MALSU1: variants seen among roughly 807,000 people sequenced by gnomAD.
MALSU1 encodes the protein mitochondrial assembly of ribosomal large subunit protein 1.
A neutral mutation model predicts 22.1 loss-of-function variants in MALSU1; 22 were observed. That is an observed-to-expected ratio of 1.00 (90% CI 0.71 to 1.42). The LOEUF (loss-of-function observed/expected upper bound fraction) is 1.42, where lower values mean the gene tolerates loss of function less well. Among genes scored for constraint, MALSU1 ranks in the 40% most tolerant of loss-of-function variants. The pLI, the probability that MALSU1 is intolerant of heterozygous loss-of-function variation, is 0.00. For synonymous variants in MALSU1, 153 were observed against 118.5 expected (o/e 1.29, Z -1.89); for missense variants, 379 against 308.3 (o/e 1.23, Z -1.72).
rs1783784635 is a variant in MALSU1 at position 23,309,898 on chromosome 7, A to C, written c.*355A>C. The C allele has an allele frequency of 6.4e-6, 1 of 155,324 alleles. No homozygotes were observed. 9.6% of individuals were successfully genotyped at this position (155,324 alleles called of 1,614,324 possible). ...CCCTGTTTGTTTAATGGAATGGCAA[A>C]AATTTTAAAAAATAATATAAAACAT... On this transcript the variant is annotated 3_prime_UTR_variant, in exon 4 of 4. Transcript: ENST00000466681.
chr7:23,307,714 C>T (rs1039288627), intron 2 of MALSU1, 154 bp from the exon 3 acceptor site: 2 of 571,280 alleles, frequency 3.5e-6, no homozygotes, highest in African/African-American at 3.9e-5. Context: ...GAAATAGTTT[C>T]CCTAAGTTAT....
intron 2 of MALSU1, among the ~76,000 whole-genome samples, chr7:23,302,705 T>G (rs1783664427): frequency 6.6e-6 from 1 of 152,194 alleles, no homozygotes; most frequent in Non-Finnish European, 1.5e-5. Context: ...TACAAAGATT[T>G]TAGATGAGAG....
At position 23,305,182 on chromosome 7, in the gene MALSU1, T is replaced by C. The variant is rs191462680; in HGVS notation, c.436-2686T>C. On this transcript the variant is annotated intron_variant, in intron 2 of 3. Transcript: ENST00000466681. The stretch of plus-strand genomic sequence containing the variant: ...GTGCATTGAATGGTCTTGGCTCCAT[T>C]GTTGAAAATCATTTGACCATAGGCA... 3.9e-4 allele frequency among the ~76,000 whole-genome samples: 59 copies of C among 152,292 alleles called. 2 individuals are homozygous for C. The highest frequency in any genetic ancestry group is 3.7e-3 in the Admixed American group (57 of 15,304).
intron 2 of MALSU1, among the ~76,000 whole-genome samples, chr7:23,302,789 T>C (rs1463226759): frequency 2.6e-5 from 4 of 152,346 alleles, no homozygotes; most frequent in East Asian, 3.9e-4. Flanking sequence ...TTAATCTTTT[T>C]TTTGGAGACA....
At chr7:23,306,444 T>C (rs1180469688) in intron 2 of MALSU1, among the ~76,000 whole-genome samples, 1 of 151,628 alleles carries the variant, frequency 6.6e-6, no homozygotes, top group African/African-American at 2.4e-5. Context: ...TTTTTTTTAT[T>C]GACGAATTGC....
intron 2 of MALSU1, chr7:23,307,573 T>C: frequency 3.5e-6 from 1 of 288,796 alleles, no homozygotes; most frequent in Non-Finnish European, 6.4e-6. Context: ...TGTAGGTGGG[T>C]ACCAAATGCT....
chr7:23,303,208 C>T (rs898632724), intron 2 of MALSU1, among the ~76,000 whole-genome samples: 8 of 152,210 alleles, frequency 5.3e-5, no homozygotes, highest in Non-Finnish European at 1.2e-4. Flanking sequence ...CCCATTTCTC[C>T]TTCCGTAGGC....
Position 23,310,633 on chromosome 7 carries a change from CA to C in MALSU1, c.*1095del, listed in dbSNP as rs1038945389. On this transcript the variant is annotated 3_prime_UTR_variant, in exon 4 of 4. Transcript: ENST00000466681. ...CATGAATGCTAGGAGAATCCAGTGA[CA>C]AAAAGGGCACTTTTTTGGTTAAAAC... The C allele has an allele frequency of 6.6e-6, 1 of 152,060 alleles. No individual in the cohort carries two copies. The highest frequency in any genetic ancestry group is 2.4e-5 in the African/African-American group (1 of 41,398). 9.4% of individuals were successfully genotyped at this position (152,060 alleles called of 1,614,324 possible).
At chr7:23,308,806 T>C (rs1331713581) in intron 3 of MALSU1, among the ~76,000 whole-genome samples, 2 of 152,196 alleles carry the variant, frequency 1.3e-5, no homozygotes, top group Middle Eastern at 3.2e-3. Flanking sequence ...CAGGTAATTT[T>C]GCATGTGGGG....
At position 23,311,630 on chromosome 7, in the gene MALSU1, T is replaced by C. The variant is rs545916169; in HGVS notation, c.*2087T>C. 3 of 152,582 alleles carry C rather than the reference T, an allele frequency of 2.0e-5. No homozygotes were observed. Among genetic ancestry groups the C allele is most frequent in the Admixed American group, 2.0e-4 (3 of 15,300 alleles). The allele number at this position is 152,582 out of a possible 1,614,324, so 9.5% of individuals were successfully genotyped here. ...AAACCCTGAAATTAATTTTCCAGCT[T>C]TACTGTCACCAGCCAGAAGTAAAAA... On this transcript the variant is annotated 3_prime_UTR_variant, in exon 4 of 4. Transcript: ENST00000466681.
chr7:23,307,759 G>GT (rs1655388955), intron 2 of MALSU1, 109 bp from the exon 3 acceptor site: 1 of 708,530 alleles, frequency 1.4e-6, no homozygotes, highest in African/African-American at 1.9e-5. Flanking sequence ...TGAGAAATGA[G>GT]TAAGAAAGAT....
Position 23,309,560 on chromosome 7 carries a change from C to T in MALSU1, c.*17C>T, listed in dbSNP as rs775196641. 14 of 1,558,508 alleles carry T rather than the reference C, an allele frequency of 9.0e-6. No homozygotes were observed. Among genetic ancestry groups the T allele is most frequent in the East Asian group, 4.5e-5 (2 of 44,260 alleles). ...TGTGAATAAAATATTTTATGCACTG[C>T]GTTAGTCATTTCAGATTTGGATTGA... On this transcript the variant is annotated 3_prime_UTR_variant, in exon 4 of 4. Coordinates refer to ENST00000466681, the MANE Select transcript of MALSU1 (RefSeq NM_138446.2).
chr7:23,304,588 C>T (rs1783700357), intron 2 of MALSU1, among the ~76,000 whole-genome samples: 1 of 152,192 alleles, frequency 6.6e-6, no homozygotes. Flanking sequence ...CAGCCTGGAA[C>T]TTCTGGGCTC....
At position 23,305,181 on chromosome 7, in the gene MALSU1, T is replaced by C. The variant is rs977264987; in HGVS notation, c.436-2687T>C. 7.2e-5 allele frequency among the ~76,000 whole-genome samples: 11 copies of C among 152,180 alleles called. 1 individual carries two copies. Among genetic ancestry groups the C allele is most frequent in the Admixed American group, 5.2e-4 (8 of 15,280 alleles). ...TGTGCATTGAATGGTCTTGGCTCCA[T>C]TGTTGAAAATCATTTGACCATAGGC... On this transcript the variant is annotated intron_variant, in intron 2 of 3. Coordinates refer to ENST00000466681, the MANE Select transcript of MALSU1 (RefSeq NM_138446.2).
Position 23,309,614 on chromosome 7 carries a change from A to C in MALSU1, c.*71A>C. 1 of 1,267,136 alleles carries C rather than the reference A, an allele frequency of 7.9e-7. No homozygotes were observed. Among genetic ancestry groups the C allele is most frequent in the East Asian group, 2.5e-5 (1 of 40,798 alleles). 78.5% of individuals were successfully genotyped at this position (1,267,136 alleles called of 1,614,324 possible). On this transcript the variant is annotated 3_prime_UTR_variant, in exon 4 of 4. Transcript: ENST00000466681. The stretch of plus-strand genomic sequence containing the variant: ...ACTTATTGGAAAATACAGCTCCTAA[A>C]GTCCGTCTCCTTGGTTAGGCTGCTC...
intron 2 of MALSU1, among the ~76,000 whole-genome samples, chr7:23,302,522 A>G (rs1483964420): frequency 6.6e-6 from 1 of 152,204 alleles, no homozygotes; most frequent in Non-Finnish European, 1.5e-5. Context: ...TAGGGAGAGA[A>G]CTAGGAAAGC....
At chr7:23,305,810 T>C (rs1453154072) in intron 2 of MALSU1, among the ~76,000 whole-genome samples, 1 of 152,232 alleles carries the variant, frequency 6.6e-6, no homozygotes, top group Non-Finnish European at 1.5e-5. Flanking sequence ...TCCATGAATA[T>C]GAAGTATCTT....
chr7:23,306,177 A>C (rs969587583), intron 2 of MALSU1, among the ~76,000 whole-genome samples: 14 of 152,180 alleles, frequency 9.2e-5, no homozygotes, highest in African/African-American at 3.1e-4. Context: ...CTGGGCAACA[A>C]GAGCGAAACT....
At chr7:23,302,927 C>T (rs1053149462) in intron 2 of MALSU1, among the ~76,000 whole-genome samples, 1 of 152,176 alleles carries the variant, frequency 6.6e-6, no homozygotes. Flanking sequence ...TAGGCACCCA[C>T]CACCACGCTT....
Sources: allele counts gnomAD v4.1 joint callset (sites outside exome capture counted in the v4.1 genomes callset), GRCh38; gene constraint gnomAD v4.1.1; transcripts MANE v1.5; gene names NCBI Gene and HGNC (gene_info 2026-07-23, HGNC 2026-07-21).